SESTD1: variants seen among roughly 807,000 people sequenced by gnomAD.
SESTD1 encodes the protein SEC14 and spectrin domain containing 1.
A neutral mutation model predicts 101.7 loss-of-function variants in SESTD1; 43 were observed. The observed-to-expected ratio is 0.42, with a 90% CI of 0.33 to 0.55. The LOEUF is 0.55. Ranked by LOEUF, SESTD1 falls within the 20% of genes least tolerant of loss-of-function variation. SESTD1 has a pLI of 0.07. For synonymous variants in SESTD1, 283 were observed against 286.8 expected (o/e 0.99, Z 0.13); for missense variants, 647 against 815.1 (o/e 0.79, Z 2.51).
intron 5 of SESTD1, among the ~76,000 whole-genome samples, chr2:179,161,700 C>T (rs1002373532): frequency 4.0e-5 from 6 of 151,664 alleles, no homozygotes; most frequent in East Asian, 1.9e-4. Flanking sequence ...AAAAATACAG[C>T]GGAAAAGCTA....
In SESTD1 at chr2:179,235,660, T is replaced by C. The variant is rs1034750163; in HGVS notation, c.-26+28839A>G. On this transcript the variant is annotated intron_variant, in intron 1 of 17. Coordinates refer to ENST00000428443, the MANE Select transcript of SESTD1 (RefSeq NM_178123.5). ...CTATTGCCTCAATTACCATATTACC[T>C]TGGAAACATTTCCTGACTCCACTCA... is the stretch of plus-strand genomic sequence containing the variant. Among the ~76,000 whole-genome samples the C allele has an allele frequency of 9.8e-5, 15 of 152,316 alleles. 1 individual carries two copies. The South Asian group carries it at 3.1e-3, about 32-fold the overall frequency.
intron 1 of SESTD1, among the ~76,000 whole-genome samples, chr2:179,256,831 C>T (rs1409919940): frequency 1.6e-5 from 2 of 126,254 alleles, no homozygotes; most frequent in Admixed American, 7.7e-5. Context: ...AAAAAAAAAA[C>T]TGACAGATGA....
At chr2:179,176,374 T>C (rs898308431) in intron 4 of SESTD1, 74 bp downstream of exon 4, 46 of 1,115,930 alleles carry the variant, frequency 4.1e-5, no homozygotes, top group African/African-American at 1.2e-4. Flanking sequence ...ATAAATTAAA[T>C]GCATTTGCCA....
At chr2:179,221,877 G>T (rs1354873880) in intron 1 of SESTD1, among the ~76,000 whole-genome samples, 1 of 151,798 alleles carries the variant, frequency 6.6e-6, no homozygotes, top group Non-Finnish European at 1.5e-5. Flanking sequence ...CCATGATTGT[G>T]CTACTGTACT....
At chr2:179,229,943 CT>C (rs1176336353) in intron 1 of SESTD1, among the ~76,000 whole-genome samples, 1 of 150,026 alleles carries the variant, frequency 6.7e-6, no homozygotes, top group African/African-American at 2.4e-5. Flanking sequence ...ATAAAACCCC[CT>C]AAAACAACAG....
chr2:179,167,630 C>G (rs1458511199), intron 5 of SESTD1, among the ~76,000 whole-genome samples: 1 of 145,464 alleles, frequency 6.9e-6, no homozygotes, highest in African/African-American at 2.8e-5. Context: ...TTGAAAGTGC[C>G]TGAAGGGGGA....
intron 1 of SESTD1, among the ~76,000 whole-genome samples, chr2:179,218,653 T>C (rs2046760872): frequency 6.6e-6 from 1 of 152,202 alleles, no homozygotes. Context: ...TTCTGAGAAC[T>C]AGAAATACAG....
chr2:179,257,439 C>T (rs2047414416), intron 1 of SESTD1, among the ~76,000 whole-genome samples: 3 of 152,208 alleles, frequency 2.0e-5, no homozygotes, highest in Admixed American at 2.0e-4. Context: ...TTCTATCACA[C>T]ATTTTGTAAA....
At chr2:179,125,925 T>C (rs1293019984) in intron 10 of SESTD1, among the ~76,000 whole-genome samples, 23 of 152,196 alleles carry the variant, frequency 1.5e-4, no homozygotes, top group Admixed American at 7.9e-4. Context: ...CGCCTGTCTC[T>C]TCTTCTAAGG....
At chr2:179,144,750 C>T (rs140000987) in intron 8 of SESTD1, among the ~76,000 whole-genome samples, 37 of 151,886 alleles carry the variant, frequency 2.4e-4, no homozygotes, top group Admixed American at 1.8e-3. Flanking sequence ...TGTTCTAAAC[C>T]TTTTTGTTTT....
intron 9 of SESTD1, among the ~76,000 whole-genome samples, chr2:179,137,339 A>G (rs2105434214): frequency 6.6e-6 from 1 of 152,298 alleles, no homozygotes; most frequent in African/African-American, 2.4e-5. Flanking sequence ...TGCAAAGTCA[A>G]ACCAGGCAGA....
At chr2:179,175,987 T>G (rs1056516469) in intron 4 of SESTD1, among the ~76,000 whole-genome samples, 1 of 152,192 alleles carries the variant, frequency 6.6e-6, no homozygotes, top group African/African-American at 2.4e-5. Flanking sequence ...TGATGCTTTA[T>G]GTAGGAAATA....
chr2:179,153,823 CAA>C (rs564492107), intron 5 of SESTD1, among the ~76,000 whole-genome samples: 6 of 152,082 alleles, frequency 3.9e-5, no homozygotes, highest in Non-Finnish European at 7.4e-5. Context: ...AAATATGTGA[CAA>C]GTTACACATC....
intron 1 of SESTD1, among the ~76,000 whole-genome samples, chr2:179,237,245 T>C (rs987270281): frequency 2.6e-5 from 4 of 152,238 alleles, no homozygotes; most frequent in Admixed American, 6.5e-5. Flanking sequence ...AAAAATACCA[T>C]GACACACAAA....
chr2:179,112,212 G>A (rs904326632), intron 17 of SESTD1, among the ~76,000 whole-genome samples: 1 of 152,152 alleles, frequency 6.6e-6, no homozygotes, highest in African/African-American at 2.4e-5. Context: ...GAGATTGTAA[G>A]TTTATGCTAA....
intron 10 of SESTD1, among the ~76,000 whole-genome samples, chr2:179,131,140 C>T (rs939787196): frequency 6.6e-6 from 1 of 152,060 alleles, no homozygotes; most frequent in African/African-American, 2.4e-5. Flanking sequence ...TAGATTACAA[C>T]TGCTTTAGGG....
intron 1 of SESTD1, among the ~76,000 whole-genome samples, chr2:179,248,977 G>T (rs1243561136): frequency 6.6e-6 from 1 of 150,896 alleles, no homozygotes; most frequent in Non-Finnish European, 1.5e-5. Context: ...TGTGGTCCTA[G>T]CTACTCAGGA....
At chr2:179,204,663 T>C (rs931124412) in intron 1 of SESTD1, among the ~76,000 whole-genome samples, 1 of 135,620 alleles carries the variant, frequency 7.4e-6, no homozygotes. Flanking sequence ...TTCTTCCTTT[T>C]AGGTTGACAT....
chr2:179,264,094 GA>G (rs2047521498), intron 1 of SESTD1: 1 of 152,240 alleles, frequency 6.6e-6, no homozygotes, highest in South Asian at 2.1e-4. Context: ...AGACCCGCTG[GA>G]AAATAAGGAC....
Sources: allele counts gnomAD v4.1 joint callset (sites outside exome capture counted in the v4.1 genomes callset), GRCh38; gene constraint gnomAD v4.1.1; transcripts MANE v1.5; gene names NCBI Gene and HGNC (gene_info 2026-07-23, HGNC 2026-07-21).